Variants in STK3 observed in about 807,000 individuals in gnomAD.
STK3 encodes the protein serine/threonine-protein kinase 3.
A neutral mutation model predicts 58.0 loss-of-function variants in STK3; 41 were observed. That is an observed-to-expected ratio of 0.71 (90% CI 0.55 to 0.92). The LOEUF (loss-of-function observed/expected upper bound fraction) is 0.92. Among genes scored for constraint, STK3 ranks in the 40% least tolerant of loss-of-function variants. The pLI is 0.00. For synonymous variants in STK3, 170 were observed against 191.0 expected, an observed-to-expected ratio of 0.89 and a Z score of 0.91; for missense variants, 479 against 602.7, an observed-to-expected ratio of 0.79 and a Z score of 2.15.
chr8:98,380,972 T>C, intron 1 of STK3, among the ~76,000 whole-genome samples: 1 of 140,476 alleles, frequency 7.1e-6, no homozygotes, highest in Admixed American at 7.1e-5. Context: ...CCTTTTTTTT[T>C]TTTTTTTTTT....
intron 3 of STK3, among the ~76,000 whole-genome samples, chr8:98,752,735 GAACTTA>G (rs1286193125): frequency 6.7e-6 from 1 of 149,156 alleles, no homozygotes; most frequent in Non-Finnish European, 1.5e-5. Flanking sequence ...CAGCTATAAG[GAACTTA>G]AACAGATCTA....
intron 3 of STK3, among the ~76,000 whole-genome samples, chr8:98,837,954 T>C (rs955661913): frequency 2.6e-5 from 4 of 151,586 alleles, no homozygotes; most frequent in South Asian, 2.1e-4. Flanking sequence ...TTAGTCTTGG[T>C]GTGGTGGCTC....
intron 1 of STK3, among the ~76,000 whole-genome samples, chr8:98,386,284 A>G (rs906900746): frequency 2.0e-5 from 3 of 152,256 alleles, no homozygotes; most frequent in Non-Finnish European, 1.5e-5. Context: ...TAATTGCAGC[A>G]CTAGTTATAA....
intron 1 of STK3, among the ~76,000 whole-genome samples, chr8:98,892,802 A>T (rs556295349): frequency 1.2e-4 from 19 of 152,236 alleles, no homozygotes; most frequent in Non-Finnish European, 2.5e-4. Flanking sequence ...CCTAGCAAAT[A>T]CTTGTCTCAT....
intron 6 of STK3, among the ~76,000 whole-genome samples, chr8:98,672,289 G>C (rs940794794): frequency 6.6e-6 from 1 of 151,876 alleles, no homozygotes; most frequent in African/African-American, 2.4e-5. Context: ...GGGTGTGATT[G>C]GTGGGGGTGT....
At chr8:98,678,603 T>C (rs1823394843) in intron 6 of STK3, among the ~76,000 whole-genome samples, 1 of 152,102 alleles carries the variant, frequency 6.6e-6, no homozygotes, top group Admixed American at 6.5e-5. Context: ...ATTTTAAGGC[T>C]CAAAAACTTA....
At chr8:98,423,633 G>A (rs1818196447) in intron 3 of STK3, among the ~76,000 whole-genome samples, 1 of 152,232 alleles carries the variant, frequency 6.6e-6, no homozygotes, top group Non-Finnish European at 1.5e-5. Flanking sequence ...GATGGACACA[G>A]GTGAACTGTC....
intron 6 of STK3, among the ~76,000 whole-genome samples, chr8:98,662,521 A>G (rs1270481210): frequency 6.6e-6 from 1 of 152,186 alleles, no homozygotes; most frequent in African/African-American, 2.4e-5. Context: ...GGATTTTTTT[A>G]ACACCATGGA....
intron 6 of STK3, among the ~76,000 whole-genome samples, chr8:98,613,369 AAAGAT>A (rs1187206538): frequency 5.3e-5 from 8 of 152,222 alleles, no homozygotes; most frequent in Middle Eastern, 3.2e-3. Flanking sequence ...AAAAAACAAA[AAAGAT>A]AAAAGTCAAC....
At chr8:98,690,693 A>C (rs1824340672) in intron 6 of STK3, among the ~76,000 whole-genome samples, 1 of 152,148 alleles carries the variant, frequency 6.6e-6, no homozygotes, top group African/African-American at 2.4e-5. Context: ...TTAGAAAAAA[A>C]CTATTCCAAA....
chr8:98,624,072 A>G (rs1329956125), intron 6 of STK3, among the ~76,000 whole-genome samples: 1 of 152,234 alleles, frequency 6.6e-6, no homozygotes, highest in African/African-American at 2.4e-5. Context: ...GTCTGACAAA[A>G]CCAAGGAGAG....
intron 3 of STK3, among the ~76,000 whole-genome samples, chr8:98,407,576 A>C (rs543576097): frequency 9.2e-5 from 14 of 152,308 alleles, no homozygotes; most frequent in African/African-American, 2.6e-4. Flanking sequence ...AGTGTAGTGG[A>C]GAGAGGGTGG....
intron 3 of STK3, among the ~76,000 whole-genome samples, chr8:98,858,746 G>T (rs549830410): frequency 7.8e-4 from 119 of 151,962 alleles, no homozygotes; most frequent in African/African-American, 2.7e-3. Flanking sequence ...ACAAAAATTA[G>T]CTGGGCGTGG....
intron 4 of STK3, among the ~76,000 whole-genome samples, chr8:98,740,377 C>T (rs1289233844): frequency 1.3e-5 from 2 of 152,214 alleles, no homozygotes; most frequent in Non-Finnish European, 2.9e-5. Context: ...GGAAGCCCAT[C>T]AGACTAACAG....
intron 6 of STK3, among the ~76,000 whole-genome samples, chr8:98,695,197 G>C (rs1025984103): frequency 4.6e-5 from 7 of 151,966 alleles, no homozygotes; most frequent in Non-Finnish European, 7.4e-5. Context: ...TGATGGGGTT[G>C]TTTTTTTCTT....
At chr8:98,657,041 GCAGA>G (rs1310278627) in intron 6 of STK3, among the ~76,000 whole-genome samples, 2 of 151,950 alleles carry the variant, frequency 1.3e-5, no homozygotes, top group Non-Finnish European at 1.5e-5. Flanking sequence ...ATATATTCCA[GCAGA>G]CAAAGACAGA....
At chr8:98,771,921 A>G (rs1176208803) in intron 2 of STK3, among the ~76,000 whole-genome samples, 1 of 151,858 alleles carries the variant, frequency 6.6e-6, no homozygotes, top group African/African-American at 2.4e-5. Flanking sequence ...TTTCTATCTC[A>G]TTAATTTCAG....
At chr8:98,644,722 A>G (rs758929493) in intron 6 of STK3, among the ~76,000 whole-genome samples, 1 of 152,176 alleles carries the variant, frequency 6.6e-6, no homozygotes, top group Admixed American at 6.5e-5. Flanking sequence ...CCCCAATTAT[A>G]TAACTTTTTA....
intron 3 of STK3, among the ~76,000 whole-genome samples, chr8:98,407,505 A>C (rs1818005194): frequency 6.6e-6 from 1 of 152,248 alleles, no homozygotes; most frequent in African/African-American, 2.4e-5. Flanking sequence ...GCTCGACTTG[A>C]AAGGCAAAGA....
Sources: gnomAD v4.1 joint callset for allele counts (sites outside exome capture counted in the v4.1 genomes callset) on GRCh38, gnomAD v4.1.1 for gene constraint, MANE v1.5 for transcripts, NCBI Gene and HGNC (gene_info 2026-07-23, HGNC 2026-07-21) for gene names.